XIRP2: variants seen among roughly 807,000 people sequenced by gnomAD.
The protein encoded by XIRP2 is xin actin-binding repeat-containing protein 2.
A neutral mutation model predicts 277.0 loss-of-function variants in XIRP2; 236 were observed. The observed-to-expected ratio is 0.85, with a 90% CI of 0.77 to 0.95. The LOEUF is 0.95. Among genes scored for constraint, XIRP2 ranks in the 40% least tolerant of loss-of-function variants. The pLI, the probability that XIRP2 is intolerant of heterozygous loss-of-function variation, is 0.00. For missense variants in XIRP2, 4,640 were observed against 4,157.5 expected (o/e 1.12, Z -3.19); for synonymous variants, 1,490 against 1,416.5 (o/e 1.05, Z -1.17).
intron 5 of XIRP2, among the ~76,000 whole-genome samples, chr2:167,226,318 G>C (rs755704875): frequency 6.6e-6 from 1 of 152,070 alleles, no homozygotes; most frequent in Non-Finnish European, 1.5e-5. Context: ...TTTGCAGCTG[G>C]TTTTCTCCTA....
chr2:167,103,155 GAAGA>G (rs887090856), intron 2 of XIRP2, among the ~76,000 whole-genome samples: 1 of 151,902 alleles, frequency 6.6e-6, no homozygotes, highest in African/African-American at 2.4e-5. Flanking sequence ...GGAAAGGAAG[GAAGA>G]AAGAAAGGAA....
chr2:167,240,918 T>G (rs2105430377), intron 7 of XIRP2, among the ~76,000 whole-genome samples, 182 bp downstream of exon 7: 1 of 152,284 alleles, frequency 6.6e-6, no homozygotes, highest in East Asian at 1.9e-4. Context: ...TGGTCATAGG[T>G]GCAATAAGTT....
chr2:167,126,942 C>T (rs1285488947), intron 2 of XIRP2, among the ~76,000 whole-genome samples: 1 of 152,114 alleles, frequency 6.6e-6, no homozygotes, highest in African/African-American at 2.4e-5. Context: ...GCGTTCAATA[C>T]CTCCTACCTA....
intron 5 of XIRP2, 110 bp from the exon 6 acceptor site, chr2:167,239,745 A>T (rs1254806630): frequency 3.9e-5 from 35 of 899,156 alleles, no homozygotes; most frequent in Non-Finnish European, 5.8e-5. Context: ...AAACTAATAT[A>T]CTAAAGAATC....
intron 3 of XIRP2, among the ~76,000 whole-genome samples, chr2:167,195,635 G>A (rs1309214992): frequency 6.6e-6 from 1 of 152,156 alleles, no homozygotes; most frequent in Non-Finnish European, 1.5e-5. Flanking sequence ...CGTTTATCAT[G>A]GGAATCTAAA....
chr2:166,941,053 C>A (rs1049876104), intron 2 of XIRP2, among the ~76,000 whole-genome samples: 3 of 152,202 alleles, frequency 2.0e-5, no homozygotes, highest in Non-Finnish European at 2.9e-5. Context: ...GTGGAGTCTA[C>A]AGAGGCAGGC....
chr2:167,189,113 T>C (rs1559013247), intron 3 of XIRP2, among the ~76,000 whole-genome samples: 4 of 152,312 alleles, frequency 2.6e-5, no homozygotes, highest in Admixed American at 6.5e-5. Flanking sequence ...ACCTTTACCA[T>C]GTTTGAAAAA....
At chr2:167,214,831 T>C (rs1212350508) in intron 4 of XIRP2, among the ~76,000 whole-genome samples, 1 of 152,108 alleles carries the variant, frequency 6.6e-6, no homozygotes, top group Non-Finnish European at 1.5e-5. Context: ...CCTCCCAAAG[T>C]GCTAGGATTA....
intron 1 of XIRP2, among the ~76,000 whole-genome samples, chr2:166,899,366 C>G (rs1368345549): frequency 1.3e-5 from 2 of 152,014 alleles, no homozygotes; most frequent in Non-Finnish European, 2.9e-5. Flanking sequence ...AGACATTATA[C>G]CCCTAGCTTC....
chr2:167,139,585 CTTCTG>C (rs565599138), intron 3 of XIRP2, among the ~76,000 whole-genome samples: 89 of 152,230 alleles, frequency 5.8e-4, no homozygotes, highest in African/African-American at 2.0e-3. Flanking sequence ...CAAACTGAGA[CTTCTG>C]TTCTTTCAGT....
chr2:167,108,799 T>G (rs1213513727), intron 2 of XIRP2, among the ~76,000 whole-genome samples: 1 of 151,870 alleles, frequency 6.6e-6, no homozygotes, highest in South Asian at 2.1e-4. Context: ...AAATCTATAG[T>G]GTGATTATGT....
chr2:166,988,130 T>G (rs961320023), intron 2 of XIRP2, among the ~76,000 whole-genome samples: 2 of 152,178 alleles, frequency 1.3e-5, no homozygotes, highest in Non-Finnish European at 2.9e-5. Flanking sequence ...AACCCAACTT[T>G]GCATGAGCAG....
chr2:167,153,527 T>C (rs1574302440), intron 3 of XIRP2, among the ~76,000 whole-genome samples: 1 of 152,192 alleles, frequency 6.6e-6, no homozygotes, highest in East Asian at 1.9e-4. Flanking sequence ...CATTTAGCAT[T>C]AGGTATATCT....
intron 2 of XIRP2, among the ~76,000 whole-genome samples, chr2:167,082,842 A>G (rs1364340827): frequency 6.6e-6 from 1 of 152,112 alleles, no homozygotes; most frequent in Non-Finnish European, 1.5e-5. Flanking sequence ...TCTGGATATT[A>G]GCCCTTTGTC....
intron 2 of XIRP2, among the ~76,000 whole-genome samples, chr2:167,054,251 C>T (rs1367200738): frequency 6.6e-6 from 1 of 152,134 alleles, no homozygotes; most frequent in Admixed American, 6.5e-5. Flanking sequence ...TTTTTTCACA[C>T]AAACAATAAT....
At chr2:167,108,656 A>G (rs1047932815) in intron 2 of XIRP2, among the ~76,000 whole-genome samples, 9 of 152,182 alleles carry the variant, frequency 5.9e-5, no homozygotes, top group Non-Finnish European at 8.8e-5. Flanking sequence ...AGATCAGAGG[A>G]AAATATAAAA....
intron 2 of XIRP2, among the ~76,000 whole-genome samples, chr2:167,061,526 G>A (rs1470260695): frequency 6.6e-6 from 1 of 152,054 alleles, no homozygotes; most frequent in Non-Finnish European, 1.5e-5. Context: ...ATTGAATTGT[G>A]TCTTCTAAAA....
At position 167,243,068 on chromosome 2, in the gene XIRP2, C is replaced by T. The variant is rs749943076; in HGVS notation, c.1676C>T (p.Ser559Leu). 1 of 1,614,006 alleles carries T rather than the reference C, an allele frequency of 6.2e-7. No individual in the cohort carries two copies. The highest frequency in any genetic ancestry group is 8.5e-7 in the Non-Finnish European group (1 of 1,179,966). Reference sequence around the variant, plus strand: ...GACAGTTCTCAAAAAGATCTGAACTCAGAAAGAGAATACTTGGAATGGGAT... The same window carrying T: ...GACAGTTCTCAAAAAGATCTGAACTTAGAAAGAGAATACTTGGAATGGGAT... ...TNDSSQKDLNSEREYLEWDEI... is the reference protein window; with the variant it reads ...TNDSSQKDLNLEREYLEWDEI... The change falls in exon 9 of 11, where the codon TCA (serine) becomes TTA (leucine). Residue 559 changes from serine to leucine, a missense_variant. Coordinates refer to ENST00000409195, the MANE Select transcript of XIRP2 (RefSeq NM_152381.6).
chr2:167,243,623 T>C lies in XIRP2; in HGVS notation c.2231T>C (p.Ile744Thr), dbSNP rs570064180. 8 of 1,614,008 alleles carry C rather than the reference T, an allele frequency of 5.0e-6. No homozygotes were observed. In the South Asian group the frequency reaches 8.8e-5, roughly 18 times the overall value. Residue 744 changes from isoleucine to threonine, a missense_variant, in exon 9 of 11, where the codon ATT becomes ACT. Ile to Thr is a moderately conservative substitution (Grantham distance 89). Transcript: ENST00000409195. Reference protein sequence around the residue: ...KCFETQPLYVIRDGSGQMLEI... With the variant: ...KCFETQPLYVTRDGSGQMLEI... ...TTCGAAACTCAACCATTATATGTTA[T>C]TAGAGATGGTTCGGGCCAAATGCTG... is the stretch of plus-strand genomic sequence containing the variant.
Sources: gnomAD v4.1 joint callset for allele counts (sites outside exome capture counted in the v4.1 genomes callset) on GRCh38, gnomAD v4.1.1 for gene constraint, MANE v1.5 for transcripts, NCBI Gene and HGNC (gene_info 2026-07-23, HGNC 2026-07-21) for gene names.